Variants in ADAMTSL1 observed in about 807,000 individuals in gnomAD.
ADAMTSL1 encodes ADAMTS like 1.
Under a neutral mutation model 201.8 loss-of-function variants are expected in ADAMTSL1, and 126 were observed. The observed-to-expected ratio is 0.62, with a 90% CI of 0.54 to 0.72. The LOEUF is 0.72. Ranked by LOEUF, ADAMTSL1 falls within the 30% of genes least tolerant of loss-of-function variation. The probability of loss-of-function intolerance (pLI) is 0.00; values close to 1 mark genes in which losing one functional copy is unlikely to be tolerated. For missense variants in ADAMTSL1, 2,679 were observed against 2,277.8 expected, an observed-to-expected ratio of 1.18 and a Z score of -3.59; for synonymous variants, 1,121 against 903.4, an observed-to-expected ratio of 1.24 and a Z score of -4.32.
At chr9:18,172,282 A>C (rs1827933640) in intron 2 of ADAMTSL1, among the ~76,000 whole-genome samples, 1 of 152,136 alleles carries the variant, frequency 6.6e-6, no homozygotes, top group African/African-American at 2.4e-5. Context: ...ATATATAAAA[A>C]AAGAACTCCT....
rs1826482972 is a variant in ADAMTSL1, at chr9:17,925,395, C to T, written c.87+18473C>T. 2.6e-5 allele frequency among the ~76,000 whole-genome samples: 3 copies of T among 113,760 alleles called. 1 individual carries two copies. In the South Asian group the frequency reaches 1.0e-3, roughly 40 times the overall value. 74.6% of individuals were successfully genotyped at this position (113,760 alleles called of 152,430 possible). On this transcript the variant is annotated intron_variant, in intron 1 of 29. Transcript: ENST00000680146. ...ACTATAAATCATGCTGCTATAAAGACACATGCACACGTATGTTTATTGCGG... is the reference window on the plus strand; with the variant it reads ...ACTATAAATCATGCTGCTATAAAGATACATGCACACGTATGTTTATTGCGG...
intron 2 of ADAMTSL1, among the ~76,000 whole-genome samples, chr9:18,451,713 T>C (rs1038086935): frequency 2.0e-5 from 3 of 152,248 alleles, no homozygotes; most frequent in African/African-American, 7.2e-5. Flanking sequence ...GGATGGAGAC[T>C]GTCTTAGTCC....
intron 7 of ADAMTSL1, among the ~76,000 whole-genome samples, chr9:18,639,620 T>C (rs1827322394): frequency 6.6e-6 from 1 of 152,088 alleles, no homozygotes. Flanking sequence ...AAATCTTTAT[T>C]ATATAATTAA....
At chr9:18,453,785 A>G (rs1576383) in intron 2 of ADAMTSL1, among the ~76,000 whole-genome samples, 49,624 of 152,006 alleles carry the variant, frequency 0.33, 9,461 homozygotes, top group East Asian at 0.55. Context: ...ATTTTTTTGT[A>G]TCTCTGTAAA....
chr9:18,631,975 G>C (rs1356251872), intron 5 of ADAMTSL1, among the ~76,000 whole-genome samples: 1 of 152,160 alleles, frequency 6.6e-6, no homozygotes, highest in Non-Finnish European at 1.5e-5. Flanking sequence ...AGTCAACAAA[G>C]CCAGAATAGA....
intron 2 of ADAMTSL1, among the ~76,000 whole-genome samples, chr9:18,441,494 A>G: frequency 6.6e-6 from 1 of 152,198 alleles, no homozygotes; most frequent in Non-Finnish European, 1.5e-5. Flanking sequence ...ACAGGATTTC[A>G]GATCCAGTGC....
At chr9:18,892,239 C>T (rs1829324880) in intron 25 of ADAMTSL1, 150 bp from the exon 26 acceptor site, 3 of 717,366 alleles carry the variant, frequency 4.2e-6, no homozygotes, top group Admixed American at 2.9e-5. Context: ...AGTCATTTTT[C>T]AGCCTATCAA....
intron 25 of ADAMTSL1, chr9:18,890,811 TATAAGAGGCTGG>T: frequency 3.0e-6 from 1 of 329,312 alleles, no homozygotes; most frequent in Non-Finnish European, 6.0e-6. Context: ...TCACCAGGGA[TATAAGAGGCTGG>T]AAAACTGCCC....
At chr9:18,567,424 C>G (rs1303629298) in intron 3 of ADAMTSL1, among the ~76,000 whole-genome samples, 1 of 152,060 alleles carries the variant, frequency 6.6e-6, no homozygotes, top group Non-Finnish European at 1.5e-5. Flanking sequence ...CGAGATCATG[C>G]CACTGCACTC....
At chr9:18,040,661 T>C (rs1821392307) in intron 1 of ADAMTSL1, among the ~76,000 whole-genome samples, 1 of 152,214 alleles carries the variant, frequency 6.6e-6, no homozygotes, top group African/African-American at 2.4e-5. Context: ...GTTTAATCTA[T>C]GCAGACAGAA....
chr9:18,299,215 C>T (rs576074533), intron 2 of ADAMTSL1, among the ~76,000 whole-genome samples: 9 of 151,948 alleles, frequency 5.9e-5, no homozygotes, highest in Non-Finnish European at 8.8e-5. Flanking sequence ...AGAATTCAAA[C>T]CCCAGACTTC....
chr9:17,997,356 T>C (rs906905448), intron 1 of ADAMTSL1, among the ~76,000 whole-genome samples: 1 of 152,074 alleles, frequency 6.6e-6, no homozygotes, highest in Non-Finnish European at 1.5e-5. Flanking sequence ...AAATAAAGAA[T>C]GGACTGGTGT....
chr9:17,978,710 T>G (rs1192000193), intron 1 of ADAMTSL1, among the ~76,000 whole-genome samples: 1 of 152,170 alleles, frequency 6.6e-6, no homozygotes, highest in Non-Finnish European at 1.5e-5. Flanking sequence ...TGACTTACAT[T>G]ATTACCATTA....
intron 2 of ADAMTSL1, among the ~76,000 whole-genome samples, chr9:18,446,212 C>T (rs988926031): frequency 4.6e-5 from 7 of 152,130 alleles, no homozygotes; most frequent in African/African-American, 1.7e-4. Flanking sequence ...TTAGGATTGA[C>T]GTTCCAGAAA....
intron 8 of ADAMTSL1, among the ~76,000 whole-genome samples, chr9:18,661,443 G>C (rs1469404423): frequency 6.6e-6 from 1 of 152,112 alleles, no homozygotes; most frequent in Non-Finnish European, 1.5e-5. Flanking sequence ...CAGGCATCTG[G>C]TGGAACCTGA....
intron 1 of ADAMTSL1, among the ~76,000 whole-genome samples, chr9:18,097,769 C>G (rs1286161911): frequency 3.3e-5 from 5 of 152,092 alleles, no homozygotes; most frequent in Non-Finnish European, 2.9e-5. Context: ...TAATTCTTAT[C>G]TTCCCATTCC....
chr9:18,817,150 A>T lies in ADAMTSL1; in HGVS notation c.3847A>T (p.Thr1283Ser). 3 of 1,602,290 alleles carry T rather than the reference A, an allele frequency of 1.9e-6. No individual in the cohort carries two copies. Among genetic ancestry groups the T allele is most frequent in the Non-Finnish European group, 2.6e-6 (3 of 1,174,354 alleles). ...AACGTCACGAATGACAGTGATCAAC[A>T]CGGAGAAGCCTGCAGTCACAGTCGA... is the stretch of plus-strand genomic sequence containing the variant. ...VKTSRMTVIN[T>S]EKPAVTVDIG... Residue 1283 changes from threonine to serine, a missense_variant, in exon 21 of 29, where the codon ACG becomes TCG. Physicochemically the swap from Thr to Ser is moderately conservative, Grantham distance 58. Transcript: ENST00000380548.
intron 1 of ADAMTSL1, among the ~76,000 whole-genome samples, chr9:17,933,688 C>T (rs1207601139): frequency 6.6e-6 from 1 of 152,100 alleles, no homozygotes; most frequent in East Asian, 1.9e-4. Context: ...AAAGCGGGCT[C>T]ATCTTACATG....
intron 2 of ADAMTSL1, among the ~76,000 whole-genome samples, chr9:18,369,960 T>C (rs1050664567): frequency 2.6e-5 from 4 of 152,078 alleles, no homozygotes; most frequent in African/African-American, 9.7e-5. Flanking sequence ...AAACAATGTG[T>C]ACACATGGAC....
Sources: gnomAD v4.1 joint callset for allele counts (sites outside exome capture counted in the v4.1 genomes callset) on GRCh38, gnomAD v4.1.1 for gene constraint, MANE v1.5 for transcripts, NCBI Gene and HGNC (gene_info 2026-07-23, HGNC 2026-07-21) for gene names.